Variants in IFT25 observed in about 807,000 individuals in gnomAD.
IFT25 encodes intraflagellar transport 25, also known as intraflagellar transport protein 25 homolog.
At chr1:53,927,194 T>C in the IFT25 span, among the ~76,000 whole-genome samples, 1 of 152,240 alleles carries the variant, frequency 6.6e-6, no homozygotes, top group Admixed American at 6.5e-5. Flanking sequence ...TGTGGATCAT[T>C]TGAAAACTGT....
chr1:53,929,966 A>G, the IFT25 span: 1 of 1,482,522 alleles, frequency 6.7e-7, no homozygotes. Context: ...TGAAAGGATA[A>G]TGAAAACTAA....
chr1:53,925,001 C>T, the IFT25 span, among the ~76,000 whole-genome samples: 3,071 of 152,244 alleles, frequency 0.02, 101 homozygotes, highest in African/African-American at 0.07. Flanking sequence ...ATCTGCTTTA[C>T]CCCTTCTTTC....
chr1:53,929,783 T>A, the IFT25 span: 1 of 371,550 alleles, frequency 2.7e-6, no homozygotes, highest in Non-Finnish European at 4.5e-6. Context: ...GAAATTATTA[T>A]GTGCTTTGGA....
At chr1:53,913,785 AAT>A in the IFT25 span, among the ~76,000 whole-genome samples, 1 of 152,182 alleles carries the variant, frequency 6.6e-6, no homozygotes, top group Non-Finnish European at 1.5e-5. Flanking sequence ...ATAAGACAGG[AAT>A]AGTGTCCCTT....
At chr1:53,926,723 T>G in the IFT25 span, among the ~76,000 whole-genome samples, 1 of 137,360 alleles carries the variant, frequency 7.3e-6, no homozygotes, top group Non-Finnish European at 1.5e-5. Context: ...ACATTCTAGA[T>G]TTTTTTTTTT....
chr1:53,921,493 C>T, the IFT25 span: 1 of 597,414 alleles, frequency 1.7e-6, no homozygotes, highest in Non-Finnish European at 3.0e-6. Flanking sequence ...GCCAGTACTG[C>T]TGATTGATAA....
chr1:53,931,131 T>G, the IFT25 span, among the ~76,000 whole-genome samples: 49 of 152,344 alleles, frequency 3.2e-4, no homozygotes, highest in African/African-American at 1.1e-3. Context: ...ACCAGTGCTC[T>G]GATTTCTATC....
the IFT25 span, among the ~76,000 whole-genome samples, chr1:53,943,232 T>C: frequency 4.7e-4 from 71 of 152,302 alleles, no homozygotes; most frequent in African/African-American, 1.7e-3. Context: ...GAGATCATAA[T>C]CTATGGAAGA....
the IFT25 span, among the ~76,000 whole-genome samples, chr1:53,941,542 C>T: frequency 6.6e-6 from 1 of 151,984 alleles, no homozygotes; most frequent in African/African-American, 2.4e-5. Flanking sequence ...ATTTTTTGTG[C>T]CTTTTTTCTC....
the IFT25 span, among the ~76,000 whole-genome samples, chr1:53,916,208 G>T: frequency 1.3e-5 from 2 of 151,780 alleles, no homozygotes; most frequent in Admixed American, 1.3e-4. Context: ...GGTGATTGGG[G>T]TAGTTCAGCA....
the IFT25 span, among the ~76,000 whole-genome samples, chr1:53,927,788 C>T: frequency 6.6e-6 from 1 of 152,198 alleles, no homozygotes; most frequent in Non-Finnish European, 1.5e-5. Flanking sequence ...TAACACAGTT[C>T]ATTCAGCTAA....
At chr1:53,931,506 G>A in the IFT25 span, among the ~76,000 whole-genome samples, 1 of 152,220 alleles carries the variant, frequency 6.6e-6, no homozygotes. Flanking sequence ...GTGGAAGACT[G>A]GTATTTCTTC....
chr1:53,917,027 C>T, the IFT25 span: 46 of 220,288 alleles, frequency 2.1e-4, no homozygotes, highest in South Asian at 1.3e-3. Context: ...GCCTGTAATC[C>T]CAGCTCCTAG....
chr1:53,935,991 GTGGCTCATGCCTGTAATCCCAGCAC>G, the IFT25 span, among the ~76,000 whole-genome samples: 1 of 152,088 alleles, frequency 6.6e-6, no homozygotes. Flanking sequence ...GCCGGGCGCG[GTGGCTCATGCCTGTAATCCCAGCAC>G]TTTGGGAGGC....
At chr1:53,931,160 A>G in the IFT25 span, among the ~76,000 whole-genome samples, 2,719 of 152,180 alleles carry the variant, frequency 0.018, 88 homozygotes, top group African/African-American at 0.062. Flanking sequence ...CTATGCTACA[A>G]TGTTTCCATT....
the IFT25 span, among the ~76,000 whole-genome samples, chr1:53,917,552 G>A: frequency 6.6e-6 from 1 of 151,818 alleles, no homozygotes; most frequent in Non-Finnish European, 1.5e-5. Flanking sequence ...TTGGTCAGGC[G>A]CAGTGGCTAA....
the IFT25 span, among the ~76,000 whole-genome samples, chr1:53,916,388 CAATT>C: frequency 6.6e-6 from 1 of 152,124 alleles, no homozygotes; most frequent in Admixed American, 6.6e-5. Context: ...CTACAGTCAT[CAATT>C]GTTTCCTGCA....
the IFT25 span, among the ~76,000 whole-genome samples, chr1:53,917,796 C>T: frequency 6.6e-6 from 1 of 151,854 alleles, no homozygotes; most frequent in Non-Finnish European, 1.5e-5. Flanking sequence ...CACTGCACTC[C>T]AGCCTGGGCA....
the IFT25 span, chr1:53,940,146 T>C: frequency 1.1e-6 from 1 of 939,548 alleles, no homozygotes; most frequent in East Asian, 2.4e-5. Flanking sequence ...TTCTCTAAAC[T>C]TTATCTGAGA....
Sources: gnomAD v4.1 joint callset for allele counts (sites outside exome capture counted in the v4.1 genomes callset) on GRCh38, gnomAD v4.1.1 for gene constraint, MANE v1.5 for transcripts, NCBI Gene and HGNC (gene_info 2026-07-23, HGNC 2026-07-21) for gene names.